The following FAT3 variants were observed in gnomAD, a reference collection of about 807,000 sequenced individuals.
FAT3 encodes FAT atypical cadherin 3.
FAT3 carries 95 observed loss-of-function variants against 310.2 expected under a neutral mutation model. That is an observed-to-expected ratio of 0.31 (90% CI 0.26 to 0.36). The LOEUF (loss-of-function observed/expected upper bound fraction) is 0.36. Among genes scored for constraint, FAT3 ranks in the 10% least tolerant of loss-of-function variants. The pLI is 1.00. For missense variants in FAT3, 5,408 were observed against 5,715.6 expected (o/e 0.95, Z 1.74); for synonymous variants, 2,314 against 2,192.9 (o/e 1.06, Z -1.54).
At chr11:92,728,043 G>C (rs1483562965) in intron 4 of FAT3, among the ~76,000 whole-genome samples, 1 of 152,126 alleles carries the variant, frequency 6.6e-6, no homozygotes, top group Non-Finnish European at 1.5e-5. Context: ...CTGGGTCTCT[G>C]ACACCTCCCA....
At chr11:92,249,269 G>C (rs1316034065) in intron 1 of FAT3, among the ~76,000 whole-genome samples, 1 of 152,114 alleles carries the variant, frequency 6.6e-6, no homozygotes, top group Non-Finnish European at 1.5e-5. Context: ...TGATCAGAAG[G>C]AGAATGGAAG....
At chr11:92,712,139 C>T (rs570176737) in intron 4 of FAT3, among the ~76,000 whole-genome samples, 1 of 152,212 alleles carries the variant, frequency 6.6e-6, no homozygotes, top group South Asian at 2.1e-4. Flanking sequence ...CAAACTGTAG[C>T]TGAGGCTTGA....
chr11:92,512,593 AAT>A, intron 2 of FAT3, among the ~76,000 whole-genome samples: 1 of 147,232 alleles, frequency 6.8e-6, no homozygotes, highest in East Asian at 2.0e-4. Flanking sequence ...TTATATATTA[AAT>A]ATGTTTTAAT....
At chr11:92,504,268 C>A (rs920448296) in intron 2 of FAT3, among the ~76,000 whole-genome samples, 1 of 152,116 alleles carries the variant, frequency 6.6e-6, no homozygotes, top group Non-Finnish European at 1.5e-5. Flanking sequence ...ATTAAAGGAG[C>A]AGCTCTAATT....
At chr11:92,719,015 G>A (rs1944774144) in intron 4 of FAT3, among the ~76,000 whole-genome samples, 1 of 152,122 alleles carries the variant, frequency 6.6e-6, no homozygotes, top group Admixed American at 6.6e-5. Context: ...AGAACACCAT[G>A]TACCTGGATT....
At chr11:92,507,312 C>G (rs185775035) in intron 2 of FAT3, among the ~76,000 whole-genome samples, 1 of 152,080 alleles carries the variant, frequency 6.6e-6, no homozygotes, top group Non-Finnish European at 1.5e-5. Flanking sequence ...AAACCATACA[C>G]TTCCCTCCTT....
intron 2 of FAT3, among the ~76,000 whole-genome samples, chr11:92,393,505 C>T (rs1949794019): frequency 6.6e-6 from 1 of 152,106 alleles, no homozygotes; most frequent in Non-Finnish European, 1.5e-5. Flanking sequence ...ACCAGCATCC[C>T]AAGTCTTTCA....
Position 92,801,007 on chromosome 11 carries a change from A to C in FAT3, c.7994A>C (p.Asn2665Thr), listed in dbSNP as rs758436193. 1 of 1,613,558 alleles carries C rather than the reference A, an allele frequency of 6.2e-7. No homozygotes were observed. Among genetic ancestry groups the C allele is most frequent in the Non-Finnish European group, 8.5e-7 (1 of 1,179,728 alleles). The change falls in exon 10 of 28, where the codon AAT (asparagine) becomes ACT (threonine). Residue 2665 changes from asparagine to threonine, a missense_variant. Asn to Thr is a moderately conservative substitution (Grantham distance 65). Coordinates refer to ENST00000525166, the MANE Select transcript of FAT3 (RefSeq NM_001367949.2). The stretch of plus-strand genomic sequence containing the variant: ...AATGGCTGGATGGTCACAAAGGGTA[A>C]TTTTAACCAGCTGAAAAATACAGTG... ...PDNGWMVTKGNFNQLKNTVLS... is the reference protein window; with the variant it reads ...PDNGWMVTKGTFNQLKNTVLS...
chr11:92,395,351 C>T (rs941304041), intron 2 of FAT3, among the ~76,000 whole-genome samples: 1 of 152,114 alleles, frequency 6.6e-6, no homozygotes, highest in African/African-American at 2.4e-5. Context: ...GTCTGATTAC[C>T]TATCAGGTCT....
chr11:92,258,230 G>C (rs772319574), intron 1 of FAT3, among the ~76,000 whole-genome samples: 7 of 152,130 alleles, frequency 4.6e-5, no homozygotes, highest in Non-Finnish European at 8.8e-5. Context: ...GTGAGTGCTT[G>C]CTATGTGCCT....
intron 2 of FAT3, among the ~76,000 whole-genome samples, chr11:92,481,647 T>A (rs1360646736): frequency 6.6e-6 from 1 of 152,188 alleles, no homozygotes. Context: ...AAAACATAAA[T>A]GCTTTGTACT....
At chr11:92,670,339 C>T (rs1218058871) in intron 3 of FAT3, among the ~76,000 whole-genome samples, 1 of 152,204 alleles carries the variant, frequency 6.6e-6, no homozygotes, top group Non-Finnish European at 1.5e-5. Context: ...ATTTCAGATC[C>T]TCCATGCCCA....
chr11:92,593,261 T>A (rs1011224422), intron 3 of FAT3, among the ~76,000 whole-genome samples: 5 of 152,152 alleles, frequency 3.3e-5, no homozygotes, highest in African/African-American at 1.2e-4. Context: ...ATAATGCTGC[T>A]GTGAACATGG....
intron 4 of FAT3, among the ~76,000 whole-genome samples, chr11:92,727,869 C>T (rs538627831): frequency 2.6e-4 from 39 of 152,296 alleles, no homozygotes; most frequent in Admixed American, 2.2e-3. Context: ...TTTGCCATGC[C>T]GCCACTGAGG....
At chr11:92,592,094 A>C (rs184444836) in intron 3 of FAT3, among the ~76,000 whole-genome samples, 3 of 152,090 alleles carry the variant, frequency 2.0e-5, no homozygotes, top group Admixed American at 6.6e-5. Context: ...AGAAACGATG[A>C]GGTGGGGGTG....
intron 1 of FAT3, among the ~76,000 whole-genome samples, chr11:92,226,804 T>A (rs1590972496): frequency 6.6e-6 from 1 of 152,076 alleles, no homozygotes; most frequent in African/African-American, 2.4e-5. Context: ...CCAATGGGAC[T>A]CAGCTTCGGG....
At chr11:92,359,473 G>A (rs921168373) in intron 2 of FAT3, among the ~76,000 whole-genome samples, 3 of 151,954 alleles carry the variant, frequency 2.0e-5, no homozygotes, top group African/African-American at 7.3e-5. Flanking sequence ...TTATGTTCTT[G>A]ACTTTCTTTT....
chr11:92,799,375 A>G lies in FAT3; in HGVS notation c.6362A>G (p.Tyr2121Cys), dbSNP rs776817008. ...AAAGGTCCAAATGGAGAAGTGACCT[A>G]TGTCCTGCAGGATGACTATGGCCAC... is the stretch of plus-strand genomic sequence containing the variant. ...KDKGPNGEVT[Y>C]VLQDDYGHFE... is the part of the protein sequence containing the mutation. Residue 2121 changes from tyrosine to cysteine, a missense_variant, in exon 10 of 28, where the codon TAT becomes TGT. Coordinates refer to ENST00000525166, the MANE Select transcript of FAT3 (RefSeq NM_001367949.2). 2.5e-6 allele frequency: 4 copies of G among 1,613,852 alleles called. No homozygotes were observed. In the Admixed American group the frequency reaches 6.7e-5, roughly 27 times the overall value.
chr11:92,467,904 A>C (rs1951809221), intron 2 of FAT3, among the ~76,000 whole-genome samples: 1 of 152,210 alleles, frequency 6.6e-6, no homozygotes, highest in East Asian at 1.9e-4. Context: ...TATCAAAACC[A>C]CTGGGGTCAG....
Sources: allele counts gnomAD v4.1 joint callset (sites outside exome capture counted in the v4.1 genomes callset), GRCh38; gene constraint gnomAD v4.1.1; transcripts MANE v1.5; gene names NCBI Gene and HGNC (gene_info 2026-07-23, HGNC 2026-07-21).